Variants in SLURP2 observed in about 807,000 individuals in gnomAD.
SLURP2 encodes secreted Ly-6/uPAR domain-containing protein 2.
Under a neutral mutation model 9.8 loss-of-function variants are expected in SLURP2, and 4 were observed. The observed-to-expected ratio is 0.41, with a 90% CI of 0.20 to 0.94. SLURP2 has a LOEUF of 0.94. Ranked by LOEUF, SLURP2 falls within the 40% of genes least tolerant of loss-of-function variation. The probability of loss-of-function intolerance (pLI) is 0.32; values close to 1 mark genes in which losing one functional copy is unlikely to be tolerated. For synonymous variants in SLURP2, 58 were observed against 56.2 expected (o/e 1.03, Z -0.15); for missense variants, 118 against 126.4 (o/e 0.93, Z 0.32).
In SLURP2 at chr8:142,769,794, T is replaced by G. The variant is rs587765528; in HGVS notation, c.13A>C (p.Thr5Pro). The part of the protein sequence containing the change: MQLG[T>P]GLLLAAVLSL... ...AGGACGGCGGCCAGCAGGAGCCCAG[T>G]GCCGAGCTGCATGTTCTCCTGGTGA... The change falls in exon 1 of 3, where the codon ACT becomes CCT. Residue 5 changes from threonine to proline, a missense_variant. Coordinates refer to ENST00000317543, the MANE Select transcript of SLURP2 (RefSeq NM_177458.3). 5.6e-6 allele frequency: 9 copies of G among 1,597,990 alleles called. No homozygotes were observed. In the East Asian group the frequency reaches 1.8e-4, roughly 32 times the overall value.
At position 142,765,079 on chromosome 8, in the gene SLURP2, G is replaced by A. The variant is rs1263992797; in HGVS notation, c.114C>T (p.Ser38=). The stretch of plus-strand genomic sequence containing the variant: ...AGTGGGTGGAGTCCCTCAGGCATCT[G>A]GATCCATGGGAGCACCCTCCGAAGC... ...CTGFGGCSHG[S]RCLRDSTHCV... The change falls in exon 2 of 3, where the codon TCC becomes TCT. Residue 38 remains serine, a synonymous_variant. Transcript: ENST00000317543. The A allele has an allele frequency of 5.0e-6, 8 of 1,612,878 alleles. No homozygotes were observed. The Admixed American group carries it at 1.0e-4, about 20-fold the overall frequency.
At chr8:142,769,668 C>T (rs1238105631) in intron 1 of SLURP2, 87 bp downstream of exon 1, 10 of 1,226,924 alleles carry the variant, frequency 8.2e-6, no homozygotes, top group African/African-American at 1.5e-5. Context: ...CCGAGGTGGG[C>T]AGTCACAGCC....
chr8:142,765,547 G>C (rs1443205262), intron 1 of SLURP2, among the ~76,000 whole-genome samples: 1 of 152,156 alleles, frequency 6.6e-6, no homozygotes, highest in African/African-American at 2.4e-5. Context: ...TACTGAGTGG[G>C]ACCTGTTAGA....
intron 1 of SLURP2, among the ~76,000 whole-genome samples, chr8:142,767,088 C>G (rs1368874248): frequency 6.6e-6 from 1 of 152,258 alleles, no homozygotes; most frequent in Non-Finnish European, 1.5e-5. Context: ...CAGCACTGAG[C>G]TGACCTCAGA....
chr8:142,765,963 A>G (rs78153799), intron 1 of SLURP2, among the ~76,000 whole-genome samples: 1 of 94,778 alleles, frequency 1.1e-5, no homozygotes, highest in African/African-American at 3.9e-5. Flanking sequence ...ACTCCACCTC[A>G]AAAAAAAAAA....
Position 142,764,680 on chromosome 8 carries a change from G to A in SLURP2, c.219C>T (p.Pro73=), listed in dbSNP as rs147700143. The change falls in exon 3 of 3, where the codon CCC becomes CCT. Residue 73 remains proline (P), a synonymous_variant. Transcript: ENST00000317543. ...LVTKMCHIGC[P]DIPSLGLGPY... ...GGCCCAGGCCCAGGCTGGGGATATC[G>A]GGGCAGCCTATGTGGCACATCTTGG... 438 of 1,612,456 alleles carry A rather than the reference G, an allele frequency of 2.7e-4. No homozygotes were observed. In the African/African-American group the frequency reaches 4.4e-3, roughly 16 times the overall value.
rs1355634131 is a variant in SLURP2, at chr8:142,768,164, AG to A, written c.52+1590del. Among the ~76,000 whole-genome samples, 14 of 134,204 alleles carry A rather than the reference AG, an allele frequency of 1.0e-4. No individual in the cohort carries two copies. The highest frequency in any genetic ancestry group is 1.4e-4 in the African/African-American group (5 of 36,360). The allele number at this position is 134,204 out of a possible 152,430, so 88.0% of individuals were successfully genotyped here. A position where few individuals can be genotyped will look rare whatever the true frequency, so the allele number is the denominator to read the frequency against. ...GGGGGAGAAGAGGAGAGAGGAAGGG[AG>A]GGAGGAGGAGAGGAAGGAAGGAAGG... On this transcript the variant is annotated intron_variant, in intron 1 of 2. Transcript: ENST00000317543. This position sits in a 1 kb window ranked among gnomAD's most constrained non-coding sequence, Gnocchi z 4.8.
In SLURP2 at chr8:142,764,551, A is replaced by AGGCTGTGGG. The variant is rs146305342; in HGVS notation, c.*45_*53dup. ...AGGGGCAGCTGTGAGCCCTGGCGCCAGGCTGTGGGGGCTGTGGGGGCTGAG... is the reference window on the plus strand; with the variant it reads ...AGGGGCAGCTGTGAGCCCTGGCGCCAGGCTGTGGGGGCTGTGGGGGCTGTGGGGGCTGAG... On this transcript the variant is annotated 3_prime_UTR_variant, in exon 3 of 3. Transcript: ENST00000317543. 4.0e-5 allele frequency: 63 copies of AGGCTGTGGG among 1,579,240 alleles called. No homozygotes were observed. The highest frequency in any genetic ancestry group is 2.8e-4 in the South Asian group (25 of 88,424).
intron 1 of SLURP2, 52 bp from the exon 2 acceptor site, chr8:142,765,192 C>A: frequency 6.9e-7 from 1 of 1,439,786 alleles, no homozygotes; most frequent in Non-Finnish European, 9.6e-7. Flanking sequence ...CAGGTGTGGG[C>A]CACCTTCTGC....
chr8:142,767,706 C>G (rs926043648), intron 1 of SLURP2, among the ~76,000 whole-genome samples: 5 of 152,088 alleles, frequency 3.3e-5, no homozygotes, highest in African/African-American at 9.7e-5. Context: ...CTCTGACACA[C>G]CCACCGTGAA....
Position 142,769,744 on chromosome 8 carries a change from C to A in SLURP2, c.52+11G>T. 3 of 1,599,748 alleles carry A rather than the reference C, an allele frequency of 1.9e-6. No homozygotes were observed. The highest frequency in any genetic ancestry group is 2.6e-6 in the Non-Finnish European group (3 of 1,174,828). On this transcript the variant is annotated intron_variant, in intron 1 of 2. Coordinates refer to ENST00000317543, the MANE Select transcript of SLURP2 (RefSeq NM_177458.3). ...CCTTGAGCAGGAGGTGGCCCCAGCC[C>A]CTGGACTCACCCAGCTGCAGGCTCA...
rs1198117279 is a variant in SLURP2 at position 142,765,214 on chromosome 8, G to T, written c.53-74C>A. 2.3e-5 allele frequency: 26 copies of T among 1,150,930 alleles called. No individual in the cohort carries two copies. In the African/African-American group the frequency reaches 3.7e-4, roughly 16 times the overall value. 71.3% of individuals were successfully genotyped at this position (1,150,930 alleles called of 1,614,324 possible). A position where few individuals can be genotyped will look rare whatever the true frequency, so the allele number is the denominator to read the frequency against. ...GGGCCACCTTCTGCAGTGACGGCAC[G>T]CACTCATCTCCACCCAGCAGCCCAT... On this transcript the variant is annotated intron_variant, in intron 1 of 2. Coordinates refer to ENST00000317543, the MANE Select transcript of SLURP2 (RefSeq NM_177458.3).
At position 142,764,970 on chromosome 8, in the gene SLURP2, C is replaced by T. The variant is rs115714667; in HGVS notation, c.157+66G>A. On this transcript the variant is annotated intron_variant, in intron 2 of 2. Transcript: ENST00000317543. The stretch of plus-strand genomic sequence containing the variant: ...GGTGCCTGGATCTGGCTCTGTCACC[C>T]TCTGAGCCCACATCTTCCCACCTGG... 0.027 allele frequency: 37,291 copies of T among 1,397,770 alleles called. 633 individuals are homozygous for T. Among genetic ancestry groups the T allele is most frequent in the Middle Eastern group, 0.082 (464 of 5,634 alleles). 86.6% of individuals were successfully genotyped at this position (1,397,770 alleles called of 1,614,324 possible). A position where few individuals can be genotyped will look rare whatever the true frequency, so the allele number is the denominator to read the frequency against.
chr8:142,769,172 TG>T (rs1815093494), intron 1 of SLURP2, among the ~76,000 whole-genome samples: 2 of 81,098 alleles, frequency 2.5e-5, no homozygotes, highest in Non-Finnish European at 2.3e-5. Flanking sequence ...GATCTGAAGC[TG>T]GGGGGACAGG....
chr8:142,769,735 G>A lies in SLURP2; in HGVS notation c.52+20C>T. ...TGATGGGGGCCTTGAGCAGGAGGTG[G>A]CCCCAGCCCCTGGACTCACCCAGCT... is the stretch of plus-strand genomic sequence containing the variant. On this transcript the variant is annotated intron_variant, in intron 1 of 2. Transcript: ENST00000317543. The A allele has an allele frequency of 6.3e-7, 1 of 1,595,236 alleles. No homozygotes were observed.
At chr8:142,769,681 G>A (rs1029095378) in intron 1 of SLURP2, 74 bp downstream of exon 1, 2 of 1,408,574 alleles carry the variant, frequency 1.4e-6, no homozygotes, top group African/African-American at 2.8e-5. Context: ...TCACAGCCCA[G>A]GGCTGGAGGG....
rs587735955 is a variant in SLURP2, at chr8:142,768,804, C to G, written c.52+951G>C. On this transcript the variant is annotated intron_variant, in intron 1 of 2. Transcript: ENST00000317543. This position sits in a 1 kb window ranked among gnomAD's most constrained non-coding sequence, Gnocchi z 4.8. ...CAGCCTCTCATAGGCCAGGAGGGTGCCCCTGGGGATGGAGACTGGAGGGAT... is the reference window on the plus strand; with the variant it reads ...CAGCCTCTCATAGGCCAGGAGGGTGGCCCTGGGGATGGAGACTGGAGGGAT... 6.6e-6 allele frequency among the ~76,000 whole-genome samples: 1 copy of G among 152,214 alleles called. No homozygotes were observed. The highest frequency in any genetic ancestry group is 1.9e-4 in the East Asian group (1 of 5,162).
intron 1 of SLURP2, among the ~76,000 whole-genome samples, chr8:142,769,261 G>A (rs114494375): frequency 0.014 from 2,055 of 151,884 alleles, 48 homozygotes; most frequent in African/African-American, 0.048. Flanking sequence ...CCAGGAAAGC[G>A]GGGAGCAGAG....
chr8:142,764,818 G>C, intron 2 of SLURP2, 77 bp from the exon 3 acceptor site: 1 of 1,553,508 alleles, frequency 6.4e-7, no homozygotes, highest in Non-Finnish European at 8.8e-7. Context: ...ATCTGCCACT[G>C]AGCTGAGGGT....
Sources: allele counts gnomAD v4.1 joint callset (sites outside exome capture counted in the v4.1 genomes callset), GRCh38; gene constraint gnomAD v4.1.1; non-coding constraint Gnocchi (gnomAD v3.1); transcripts MANE v1.5; gene names NCBI Gene and HGNC (gene_info 2026-07-23, HGNC 2026-07-21).